The following EML6 variants were observed in gnomAD, a reference collection of about 807,000 sequenced individuals.
EML6 encodes the protein echinoderm microtubule-associated protein-like 6.
In EML6, 154 loss-of-function variants were observed where a neutral mutation model predicts 240.1. The observed-to-expected ratio is 0.64, with a 90% CI of 0.56 to 0.73. The LOEUF is 0.73. EML6 is among the 30% of genes least tolerant of loss of function. EML6 has a pLI of 0.00. For synonymous variants in EML6, 1,148 were observed against 899.0 expected, an observed-to-expected ratio of 1.28 and a Z score of -4.95; for missense variants, 2,964 against 2,474.6, an observed-to-expected ratio of 1.20 and a Z score of -4.20.
intron 7 of EML6, among the ~76,000 whole-genome samples, chr2:54,830,830 C>T (rs1011027179): frequency 1.3e-5 from 2 of 152,164 alleles, no homozygotes; most frequent in African/African-American, 4.8e-5. Context: ...GCATCTAAGT[C>T]AACTAATCCA....
intron 12 of EML6, among the ~76,000 whole-genome samples, chr2:54,861,781 T>A (rs1263076299): frequency 6.7e-6 from 1 of 149,804 alleles, no homozygotes; most frequent in Non-Finnish European, 1.5e-5. Context: ...TTTTTTTTTT[T>A]TTTTAATCTA....
intron 12 of EML6, among the ~76,000 whole-genome samples, chr2:54,861,222 C>T (rs1256704048): frequency 6.6e-6 from 1 of 152,166 alleles, no homozygotes; most frequent in Non-Finnish European, 1.5e-5. Flanking sequence ...TCTAAGCCTA[C>T]CCATACTTAC....
intron 15 of EML6, among the ~76,000 whole-genome samples, chr2:54,869,939 T>A (rs943160491): frequency 2.0e-5 from 3 of 152,190 alleles, no homozygotes; most frequent in Non-Finnish European, 4.4e-5. Flanking sequence ...AAAATAATCA[T>A]TAACTTATTA....
intron 2 of EML6, among the ~76,000 whole-genome samples, chr2:54,771,758 A>G (rs1668411207): frequency 6.6e-6 from 1 of 152,236 alleles, no homozygotes. Context: ...AGTTTCTTTG[A>G]GGCATAAAAT....
intron 5 of EML6, among the ~76,000 whole-genome samples, chr2:54,821,410 G>A (rs902371031): frequency 1.3e-5 from 2 of 152,158 alleles, no homozygotes; most frequent in Admixed American, 1.3e-4. Context: ...AACAAATGGA[G>A]TGACAATGTT....
At chr2:54,897,398 C>T (rs767706473) in intron 21 of EML6, among the ~76,000 whole-genome samples, 26 of 152,168 alleles carry the variant, frequency 1.7e-4, no homozygotes, top group South Asian at 2.1e-4. Context: ...CAGGCAATAC[C>T]GTTGTACGAC....
At chr2:54,856,304 A>T (rs965695493) in intron 11 of EML6, among the ~76,000 whole-genome samples, 1 of 152,172 alleles carries the variant, frequency 6.6e-6, no homozygotes, top group Non-Finnish European at 1.5e-5. Context: ...TTGCTCAATG[A>T]CAATTTTCCA....
intron 2 of EML6, among the ~76,000 whole-genome samples, chr2:54,742,218 G>A (rs1202913770): frequency 1.3e-5 from 2 of 152,142 alleles, no homozygotes; most frequent in African/African-American, 4.8e-5. Context: ...CTTCTGGAAT[G>A]CGACCCTACC....
At chr2:54,879,682 C>G (rs1379534826) in intron 17 of EML6, 42 bp downstream of exon 17, 1 of 1,153,712 alleles carries the variant, frequency 8.7e-7, no homozygotes, top group Non-Finnish European at 1.3e-6. Flanking sequence ...GCTGATACCA[C>G]GGTTCAGTAA....
At chr2:54,890,855 A>C (rs1393925084) in intron 17 of EML6, among the ~76,000 whole-genome samples, 199 bp from the exon 18 acceptor site, 3 of 152,204 alleles carry the variant, frequency 2.0e-5, no homozygotes, top group Admixed American at 6.5e-5. Flanking sequence ...CAATATTAGG[A>C]TAAGAAGAAA....
At chr2:54,767,381 A>G (rs1486101617) in intron 2 of EML6, among the ~76,000 whole-genome samples, 2 of 152,188 alleles carry the variant, frequency 1.3e-5, no homozygotes, top group African/African-American at 4.8e-5. Flanking sequence ...ATAAAAATAA[A>G]TAACATGTAA....
intron 2 of EML6, among the ~76,000 whole-genome samples, chr2:54,775,717 C>A (rs1668570230): frequency 6.6e-6 from 1 of 152,076 alleles, no homozygotes; most frequent in African/African-American, 2.4e-5. Context: ...ATGCACTCCA[C>A]AAATTTTTGC....
chr2:54,832,244 C>T (rs976993207), intron 7 of EML6, among the ~76,000 whole-genome samples: 1 of 152,224 alleles, frequency 6.6e-6, no homozygotes, highest in Non-Finnish European at 1.5e-5. Context: ...GTTCTTGAGC[C>T]TGCATGGACA....
At chr2:54,944,733 C>A (rs1244446086) in intron 28 of EML6, among the ~76,000 whole-genome samples, 5 of 152,096 alleles carry the variant, frequency 3.3e-5, no homozygotes, top group Admixed American at 3.3e-4. Context: ...TGCAGTTCTT[C>A]TGCCTGAATC....
At chr2:54,962,484 G>A in intron 35 of EML6, 39 bp from the exon 36 acceptor site, 1 of 1,465,206 alleles carries the variant, frequency 6.8e-7, no homozygotes, top group African/African-American at 1.4e-5. Context: ...CAGTCATACA[G>A]TATTTGTCCT....
chr2:54,811,480 C>T (rs1014902884), intron 2 of EML6, among the ~76,000 whole-genome samples: 1 of 152,192 alleles, frequency 6.6e-6, no homozygotes, highest in Admixed American at 6.5e-5. Context: ...CTTTCTCCAT[C>T]CTCCATCTTT....
chr2:54,951,766 T>C (rs1419099805), intron 30 of EML6, among the ~76,000 whole-genome samples: 1 of 152,150 alleles, frequency 6.6e-6, no homozygotes, highest in East Asian at 1.9e-4. Context: ...TAGTTGTTCA[T>C]ACATAGATTT....
intron 25 of EML6, among the ~76,000 whole-genome samples, chr2:54,915,752 G>A (rs1412309561): frequency 2.0e-5 from 3 of 152,018 alleles, no homozygotes; most frequent in African/African-American, 7.2e-5. Flanking sequence ...ATTAGGCAGG[G>A]TACATTAGCA....
chr2:54,916,617 C>T (rs1673921875), intron 25 of EML6, 142 bp from the exon 26 acceptor site: 1 of 539,832 alleles, frequency 1.9e-6, no homozygotes, highest in Non-Finnish European at 3.1e-6. Context: ...AAATATGCAA[C>T]TTAGAATTTG....
Sources: allele counts gnomAD v4.1 joint callset (sites outside exome capture counted in the v4.1 genomes callset), GRCh38; gene constraint gnomAD v4.1.1; transcripts MANE v1.5; gene names NCBI Gene and HGNC (gene_info 2026-07-23, HGNC 2026-07-21).